RNU5D-1: variants seen among roughly 807,000 people sequenced by gnomAD.
The protein encoded by RNU5D-1 is RNA, U5D small nuclear 1.
chr1:44,731,094 C>G (rs568461972), exon 1 of RNU5D-1: 3 of 151,986 alleles, frequency 2.0e-5, no homozygotes, highest in African/African-American at 4.8e-5. Context: ...TTGCTTGAAA[C>G]TCAAAACGGT....
chr1:44,731,073 C>A (rs561381956), exon 1 of RNU5D-1: 2 of 152,086 alleles, frequency 1.3e-5, no homozygotes, highest in Non-Finnish European at 2.9e-5. Flanking sequence ...CAACATAGGG[C>A]TTCAAAAAAT....
chr1:44,731,102 G>T (rs80294307), exon 1 of RNU5D-1: 9 of 151,744 alleles, frequency 5.9e-5, no homozygotes, highest in African/African-American at 1.2e-4. Context: ...AACTCAAAAC[G>T]GTTTCTCTCC....
chr1:44,731,153 G>T (rs112611377), exon 1 of RNU5D-1: 1 of 151,248 alleles, frequency 6.6e-6, no homozygotes, highest in Non-Finnish European at 1.5e-5. Context: ...TATACGATTT[G>T]AAGAGAAACC....
chr1:44,731,164 A>C (rs555718888), exon 1 of RNU5D-1: 2 of 151,998 alleles, frequency 1.3e-5, no homozygotes, highest in Admixed American at 6.6e-5. Flanking sequence ...AAGAGAAACC[A>C]GAGCATGTGT....
chr1:44,731,144 A>C (rs181113895), exon 1 of RNU5D-1: 2 of 151,686 alleles, frequency 1.3e-5, no homozygotes, highest in East Asian at 1.9e-4. Context: ...CGAAAGATTT[A>C]TACGATTTGA....
At position 44,731,073 on chromosome 1, in the gene RNU5D-1, C is replaced by T. The variant is rs561381956; in HGVS notation, n.98G>A. The T allele has an allele frequency of 7.5e-4, 114 of 152,204 alleles. 1 individual carries two copies. The highest frequency in any genetic ancestry group is 2.4e-3 in the African/African-American group (98 of 41,530). 9.4% of individuals were successfully genotyped at this position (152,204 alleles called of 1,614,324 possible). ...GTTGATGAACCCCACCAACATAGGGCTTCAAAAAATTTGCTTGAAACTCAA... is the reference window on the plus strand; with the variant it reads ...GTTGATGAACCCCACCAACATAGGGTTTCAAAAAATTTGCTTGAAACTCAA... On this transcript the variant is annotated non_coding_transcript_exon_variant, in exon 1 of 1. Coordinates refer to ENST00000363299, the Ensembl canonical transcript of RNU5D-1.
At position 44,731,164 on chromosome 1, in the gene RNU5D-1, A is replaced by G. The variant is rs555718888; in HGVS notation, n.7T>C. On this transcript the variant is annotated non_coding_transcript_exon_variant, in exon 1 of 1. Coordinates refer to ENST00000363299, the Ensembl canonical transcript of RNU5D-1. ...GATTTATACGATTTGAAGAGAAACC[A>G]GAGCATGTGTTGGAATGGTTGCACA... 9 of 151,998 alleles carry G rather than the reference A, an allele frequency of 5.9e-5. No individual in the cohort carries two copies. In the East Asian group the frequency reaches 1.3e-3, roughly 23 times the overall value. The allele number at this position is 151,998 out of a possible 1,614,324, so 9.4% of individuals were successfully genotyped here.
At chr1:44,731,133 G>C (rs143787933) in exon 1 of RNU5D-1, 3 of 151,668 alleles carry the variant, frequency 2.0e-5, no homozygotes, top group South Asian at 2.1e-4. Flanking sequence ...TTAGTAAAAG[G>C]CGAAAGATTT....
exon 1 of RNU5D-1, chr1:44,731,118 A>C (rs72899568): frequency 1.3e-5 from 2 of 152,004 alleles, no homozygotes; most frequent in Admixed American, 6.6e-5. Flanking sequence ...TCTCCACGGA[A>C]ATCTTTAGTA....
exon 1 of RNU5D-1, chr1:44,731,122 T>A (rs184331281): frequency 9.9e-5 from 15 of 151,940 alleles, no homozygotes; most frequent in African/African-American, 3.1e-4. Context: ...CACGGAAATC[T>A]TTAGTAAAAG....
exon 1 of RNU5D-1, chr1:44,731,096 C>CAA (rs1197688192): frequency 6.6e-6 from 1 of 151,990 alleles, no homozygotes; most frequent in African/African-American, 2.4e-5. Flanking sequence ...GCTTGAAACT[C>CAA]AAAACGGTTT....
In RNU5D-1 at chr1:44,731,103, G is replaced by C. The variant is rs148849153; in HGVS notation, n.68C>G. The C allele has an allele frequency of 2.4e-4, 36 of 151,950 alleles. No individual in the cohort carries two copies. In the East Asian group the frequency reaches 4.6e-3, roughly 20 times the overall value. 9.4% of individuals were successfully genotyped at this position (151,950 alleles called of 1,614,324 possible). A position where few individuals can be genotyped will look rare whatever the true frequency, so the allele number is the denominator to read the frequency against. On this transcript the variant is annotated non_coding_transcript_exon_variant, in exon 1 of 1. Transcript: ENST00000363299. ...AAAAATTTGCTTGAAACTCAAAACGGTTTCTCTCCACGGAAATCTTTAGTA... is the reference window on the plus strand; with the variant it reads ...AAAAATTTGCTTGAAACTCAAAACGCTTTCTCTCCACGGAAATCTTTAGTA...
exon 1 of RNU5D-1, chr1:44,731,088 T>C (rs886697783): frequency 3.9e-5 from 6 of 152,092 alleles, no homozygotes; most frequent in Admixed American, 2.0e-4. Flanking sequence ...AAAAATTTGC[T>C]TGAAACTCAA....
At chr1:44,731,091 A>T (rs548580715) in exon 1 of RNU5D-1, 5 of 152,204 alleles carry the variant, frequency 3.3e-5, no homozygotes, top group African/African-American at 1.2e-4. Context: ...AATTTGCTTG[A>T]AACTCAAAAC....
chr1:44,731,077 A>C (rs977470085), exon 1 of RNU5D-1: 5 of 152,048 alleles, frequency 3.3e-5, no homozygotes, highest in African/African-American at 7.2e-5. Context: ...ATAGGGCTTC[A>C]AAAAATTTGC....
At chr1:44,731,096 C>CA (rs1197688192) in exon 1 of RNU5D-1, 1 of 152,108 alleles carries the variant, frequency 6.6e-6, no homozygotes, top group East Asian at 1.9e-4. Context: ...GCTTGAAACT[C>CA]AAAACGGTTT....
exon 1 of RNU5D-1, chr1:44,731,161 A>AC (rs1326391320): frequency 6.6e-6 from 1 of 151,830 alleles, no homozygotes; most frequent in Non-Finnish European, 1.5e-5. Flanking sequence ...TTGAAGAGAA[A>AC]CCAGAGCATG....
At chr1:44,731,151 T>G (rs1027997501) in exon 1 of RNU5D-1, 3 of 151,314 alleles carry the variant, frequency 2.0e-5, no homozygotes, top group East Asian at 1.9e-4. Context: ...TTTATACGAT[T>G]TGAAGAGAAA....
exon 1 of RNU5D-1, chr1:44,731,131 A>C (rs944856103): frequency 8.6e-5 from 13 of 151,880 alleles, no homozygotes; most frequent in Admixed American, 7.9e-4. Context: ...CTTTAGTAAA[A>C]GGCGAAAGAT....
Sources: allele counts gnomAD v4.1 joint callset, GRCh38; gene constraint gnomAD v4.1.1; transcripts MANE v1.5; gene names NCBI Gene and HGNC (gene_info 2026-07-23, HGNC 2026-07-21).